Variants in LRMDA observed in about 807,000 individuals in gnomAD.
The protein encoded by LRMDA is leucine rich melanocyte differentiation associated, also known as leucine-rich melanocyte differentiation-associated protein.
A neutral mutation model predicts 29.8 loss-of-function variants in LRMDA; 18 were observed. The observed-to-expected ratio is 0.60, with a 90% confidence interval of 0.42 to 0.90. The LOEUF (loss-of-function observed/expected upper bound fraction) is 0.90, where lower values mean the gene tolerates loss of function less well. Ranked by LOEUF, LRMDA falls within the 40% of genes least tolerant of loss-of-function variation. The probability of loss-of-function intolerance (pLI) is 0.00; values close to 1 mark genes in which losing one functional copy is unlikely to be tolerated. For missense variants in LRMDA, 273 were observed against 273.9 expected (o/e 1.00, Z 0.02); for synonymous variants, 125 against 109.4 (o/e 1.14, Z -0.89).
intron 2 of LRMDA, among the ~76,000 whole-genome samples, chr10:75,785,058 C>T (rs1227352658): frequency 1.3e-5 from 2 of 152,264 alleles, no homozygotes; most frequent in South Asian, 2.1e-4. Flanking sequence ...GGCATGGACG[C>T]GCAGGAGCCT....
At chr10:76,394,290 C>T (rs1288614354) in intron 6 of LRMDA, among the ~76,000 whole-genome samples, 1 of 152,098 alleles carries the variant, frequency 6.6e-6, no homozygotes, top group East Asian at 1.9e-4. Flanking sequence ...GGAATCTTTG[C>T]CTTCAGAGGG....
chr10:76,502,894 G>T (rs530785470), intron 6 of LRMDA, among the ~76,000 whole-genome samples: 1 of 151,642 alleles, frequency 6.6e-6, no homozygotes, highest in African/African-American at 2.4e-5. Flanking sequence ...TCTTTCTCTT[G>T]ACTGATTGCT....
intron 2 of LRMDA, among the ~76,000 whole-genome samples, chr10:75,700,990 A>G (rs2132169548): frequency 6.6e-6 from 1 of 152,320 alleles, no homozygotes; most frequent in South Asian, 2.1e-4. Context: ...GTGAGACTTA[A>G]TGGCAAACTT....
At chr10:75,682,008 T>G (rs2132153174) in intron 2 of LRMDA, among the ~76,000 whole-genome samples, 1 of 152,330 alleles carries the variant, frequency 6.6e-6, no homozygotes, top group African/African-American at 2.4e-5. Context: ...ACCACCTTCC[T>G]TTAGGCGGGT....
rs556099896 is a variant in LRMDA at position 75,858,855 on chromosome 10, C to T, written c.132-177153C>T. 3.1e-3 allele frequency among the ~76,000 whole-genome samples: 466 copies of T among 152,330 alleles called. 2 individuals carry two copies. The highest frequency in any genetic ancestry group is 6.8e-3 in the Middle Eastern group (2 of 294). On this transcript the variant is annotated intron_variant, in intron 2 of 6. Coordinates refer to ENST00000611255, the MANE Select transcript of LRMDA (RefSeq NM_001305581.2). ...TGCTCCTCTACCCCTAATCTCTTCC[C>T]CAGAAGAGATAACCACATTAGGAAT... is the stretch of plus-strand genomic sequence containing the variant.
At position 75,704,923 on chromosome 10, in the gene LRMDA, G is replaced by C. The variant is rs182725952; in HGVS notation, c.131+266429G>C. On this transcript the variant is annotated intron_variant, in intron 2 of 6. Coordinates refer to ENST00000611255, the MANE Select transcript of LRMDA (RefSeq NM_001305581.2). ...GGGTAATACACAGAGAATAAATTAA[G>C]ACCTTAAATTCAAACTGCCACAAGT... 3.9e-4 allele frequency among the ~76,000 whole-genome samples: 60 copies of C among 152,274 alleles called. No homozygotes were observed. In the East Asian group the frequency reaches 0.011, roughly 28 times the overall value.
rs909909758 is a variant in LRMDA, at chr10:75,596,301, C to T, written c.131+157807C>T. 2.0e-5 allele frequency among the ~76,000 whole-genome samples: 3 copies of T among 152,190 alleles called. No homozygotes were observed. The East Asian group carries it at 5.8e-4, about 29-fold the overall frequency. On this transcript the variant is annotated intron_variant, in intron 2 of 6. Transcript: ENST00000611255. Reference sequence around the variant, plus strand: ...AAAATGTCCAGTCCTGGTATCTGCACTCTCCGCCCTTACGTTTGCTCCTGC... The same window carrying T: ...AAAATGTCCAGTCCTGGTATCTGCATTCTCCGCCCTTACGTTTGCTCCTGC...
At chr10:75,505,687 A>T (rs1206330434) in intron 2 of LRMDA, among the ~76,000 whole-genome samples, 1 of 151,942 alleles carries the variant, frequency 6.6e-6, no homozygotes, top group Non-Finnish European at 1.5e-5. Context: ...CCCTTCTTTC[A>T]TGTTTCCCTG....
At chr10:76,334,066 A>G (rs1840937787) in intron 6 of LRMDA, among the ~76,000 whole-genome samples, 1 of 152,232 alleles carries the variant, frequency 6.6e-6, no homozygotes, top group South Asian at 2.1e-4. Context: ...GAACAAACGT[A>G]CAAAAAGCAG....
rs182507052 is a variant in LRMDA at position 76,027,083 on chromosome 10, A to G, written c.132-8925A>G. Among the ~76,000 whole-genome samples, 12 of 152,324 alleles carry G rather than the reference A, an allele frequency of 7.9e-5. No homozygotes were observed. In the East Asian group the frequency reaches 2.1e-3, roughly 27 times the overall value. On this transcript the variant is annotated intron_variant, in intron 2 of 6. Coordinates refer to ENST00000611255, the MANE Select transcript of LRMDA (RefSeq NM_001305581.2). ...AGACTTCTCTGCTCCTGGTTAAGCA[A>G]CTTTAGGACTGTCTCAATCACTGTT...
intron 2 of LRMDA, among the ~76,000 whole-genome samples, chr10:75,748,391 G>A (rs1263079535): frequency 6.6e-6 from 1 of 152,130 alleles, no homozygotes; most frequent in East Asian, 1.9e-4. Context: ...CCCATGCCTG[G>A]CCTGTTTAGT....
chr10:76,093,377 C>G (rs1294879932), intron 5 of LRMDA, among the ~76,000 whole-genome samples: 1 of 151,972 alleles, frequency 6.6e-6, no homozygotes, highest in Non-Finnish European at 1.5e-5. Context: ...ATCTTCCCCT[C>G]CTTACCTTCA....
At chr10:75,662,889 T>G (rs1841772635) in intron 2 of LRMDA, among the ~76,000 whole-genome samples, 1 of 152,176 alleles carries the variant, frequency 6.6e-6, no homozygotes, top group South Asian at 2.1e-4. Context: ...AGTAATTAAT[T>G]TGAACTTCTG....
chr10:76,086,330 G>T (rs888110930), intron 5 of LRMDA, among the ~76,000 whole-genome samples: 1 of 152,156 alleles, frequency 6.6e-6, no homozygotes, highest in Non-Finnish European at 1.5e-5. Context: ...CTAGGGAATG[G>T]CTATGTCAAT....
intron 2 of LRMDA, among the ~76,000 whole-genome samples, chr10:75,630,433 A>G (rs776664912): frequency 1.3e-5 from 2 of 152,242 alleles, no homozygotes; most frequent in African/African-American, 4.8e-5. Context: ...CAAGCAAGCA[A>G]GCATAATATA....
chr10:76,146,963 A>G (rs1316687298), intron 5 of LRMDA, among the ~76,000 whole-genome samples: 4 of 152,218 alleles, frequency 2.6e-5, no homozygotes, highest in Non-Finnish European at 5.9e-5. Flanking sequence ...TTGGCAGGAT[A>G]TGAAATTCTG....
intron 2 of LRMDA, among the ~76,000 whole-genome samples, chr10:75,788,033 AC>A (rs1190151727): frequency 1.3e-5 from 2 of 151,470 alleles, no homozygotes. Flanking sequence ...CGTCTCAAAA[AC>A]AAAAACAAAA....
chr10:76,093,569 T>TTCCTTCTCCTCC (rs370190454), intron 5 of LRMDA, among the ~76,000 whole-genome samples: 1 of 152,088 alleles, frequency 6.6e-6, no homozygotes, highest in African/African-American at 2.4e-5. Flanking sequence ...CCATTCTCCT[T>TTCCTTCTCCTCC]TCCTTCTCCT....
chr10:76,307,400 T>TGAG (rs1226860634), intron 5 of LRMDA, among the ~76,000 whole-genome samples: 1 of 152,188 alleles, frequency 6.6e-6, no homozygotes, highest in Non-Finnish European at 1.5e-5. Flanking sequence ...TGGGATGCAG[T>TGAG]GAGGGGCTCC....
Sources: allele counts gnomAD v4.1 joint callset (sites outside exome capture counted in the v4.1 genomes callset), GRCh38; gene constraint gnomAD v4.1.1; transcripts MANE v1.5; gene names NCBI Gene and HGNC (gene_info 2026-07-23, HGNC 2026-07-21).